The following SMIM14 variants were observed in gnomAD, a reference collection of about 807,000 sequenced individuals.
The protein encoded by SMIM14 is chromosome 4 open reading frame 34.
SMIM14 carries 5 observed loss-of-function variants against 12.6 expected under a neutral mutation model. The ratio of observed to expected loss-of-function variants is 0.40; its 90% CI spans 0.21 to 0.83. SMIM14 has a LOEUF of 0.83. Among genes scored for constraint, SMIM14 ranks in the 40% least tolerant of loss-of-function variants. SMIM14 has a pLI of 0.37. For missense variants in SMIM14, 86 were observed against 119.1 expected, an observed-to-expected ratio of 0.72 and a Z score of 1.29; for synonymous variants, 30 against 40.1, an observed-to-expected ratio of 0.75 and a Z score of 0.95.
chr4:39,576,730 G>A (rs1439489992), intron 2 of SMIM14, among the ~76,000 whole-genome samples: 28 of 79,128 alleles, frequency 3.5e-4, no homozygotes, highest in Non-Finnish European at 5.5e-4. Flanking sequence ...TTTTTGAGAC[G>A]GAGTCTTGCT....
intron 2 of SMIM14, among the ~76,000 whole-genome samples, chr4:39,590,022 C>CAAAAA (rs34159677): frequency 8.4e-5 from 6 of 71,348 alleles, no homozygotes; most frequent in Admixed American, 1.9e-4. Flanking sequence ...GACTCTGTTT[C>CAAAAA]AAAAAAAAAA....
intron 1 of SMIM14, among the ~76,000 whole-genome samples, chr4:39,619,844 A>C (rs12508408): frequency 1.3e-5 from 1 of 77,620 alleles, no homozygotes; most frequent in Non-Finnish European, 2.3e-5. Flanking sequence ...AAATGTATAT[A>C]TATATTTATA....
rs372827730 is a variant in SMIM14 at position 39,624,460 on chromosome 4, G to GTT, written c.-36+14277_-36+14278dup. On this transcript the variant is annotated intron_variant, in intron 1 of 4. Coordinates refer to ENST00000295958, the MANE Select transcript of SMIM14 (RefSeq NM_174921.3). ...CTGCCAGATATGACCAATCATGCTA[G>GTT]TTATGTTTCTTTCACCCTTACAAAG... 3.4e-3 allele frequency among the ~76,000 whole-genome samples: 517 copies of GTT among 152,280 alleles called. 2 individuals carry two copies. The highest frequency in any genetic ancestry group is 0.012 in the African/African-American group (484 of 41,560).
intron 2 of SMIM14, chr4:39,593,940 G>T (rs1034179041): frequency 4.6e-5 from 7 of 152,128 alleles, no homozygotes; most frequent in Non-Finnish European, 8.8e-5. Flanking sequence ...ATGCTCATGG[G>T]TAGGAAGAAT....
At chr4:39,619,840 ATATATATATTTATATATATT>A (rs1198358843) in intron 1 of SMIM14, among the ~76,000 whole-genome samples, 3 of 111,408 alleles carry the variant, frequency 2.7e-5, no homozygotes, top group African/African-American at 1.2e-4. Flanking sequence ...ATATAAATGT[ATATATATATTTATATATATT>A]TATATATATA....
intron 1 of SMIM14, among the ~76,000 whole-genome samples, chr4:39,635,760 C>T (rs140377781): frequency 0.018 from 2,699 of 152,194 alleles, 103 homozygotes; most frequent in African/African-American, 0.06. Context: ...TAGTTCATGG[C>T]ATGTACTTAT....
At chr4:39,595,208 G>A (rs1426310267) in intron 2 of SMIM14, among the ~76,000 whole-genome samples, 4 of 150,452 alleles carry the variant, frequency 2.7e-5, no homozygotes, top group Non-Finnish European at 5.9e-5. Context: ...TATACACCAT[G>A]GAATACTATG....
chr4:39,567,698 T>C (rs1712652138), intron 3 of SMIM14, among the ~76,000 whole-genome samples: 1 of 151,584 alleles, frequency 6.6e-6, no homozygotes, highest in South Asian at 2.1e-4. Context: ...GATCATGCCA[T>C]TGCACTCCAG....
chr4:39,587,865 T>C (rs573579745), intron 2 of SMIM14: 2 of 152,316 alleles, frequency 1.3e-5, no homozygotes, highest in Non-Finnish European at 2.9e-5. Context: ...CCCAAGAATA[T>C]AGGAAAGGTG....
intron 3 of SMIM14, among the ~76,000 whole-genome samples, chr4:39,560,376 G>T (rs1343900250): frequency 3.3e-5 from 5 of 150,206 alleles, no homozygotes; most frequent in Non-Finnish European, 5.9e-5. Context: ...ATTTCACCAT[G>T]TTGGCCAGGC....
In SMIM14 at chr4:39,560,469, C is replaced by G. The variant is rs1480265454; in HGVS notation, c.125-3899G>C. Among the ~76,000 whole-genome samples, 4 of 152,018 alleles carry G rather than the reference C, an allele frequency of 2.6e-5. No individual in the cohort carries two copies. In the East Asian group the frequency reaches 7.7e-4, roughly 29 times the overall value. The stretch of plus-strand genomic sequence containing the variant: ...GATTACAGGCATGAGCCACCGCAAT[C>G]AGCCAACATCAATAGTTCTTAAACT... On this transcript the variant is annotated intron_variant, in intron 3 of 4. Coordinates refer to ENST00000295958, the MANE Select transcript of SMIM14 (RefSeq NM_174921.3).
intron 1 of SMIM14, among the ~76,000 whole-genome samples, chr4:39,631,699 A>C (rs1485697618): frequency 6.6e-6 from 1 of 152,162 alleles, no homozygotes; most frequent in African/African-American, 2.4e-5. Flanking sequence ...ATAAAAGATG[A>C]TAGCAGCCAG....
At chr4:39,635,614 A>T (rs1368608411) in intron 1 of SMIM14, among the ~76,000 whole-genome samples, 1 of 152,206 alleles carries the variant, frequency 6.6e-6, no homozygotes, top group Non-Finnish European at 1.5e-5. Context: ...TCAAAGAAAA[A>T]GAAACTAGAT....
intron 2 of SMIM14, chr4:39,593,471 G>A (rs1289005175): frequency 1.3e-5 from 2 of 152,154 alleles, no homozygotes; most frequent in Non-Finnish European, 2.9e-5. Context: ...AAAACTGGAA[G>A]CATTCCCTTT....
intron 3 of SMIM14, among the ~76,000 whole-genome samples, chr4:39,567,579 A>G (rs1449764995): frequency 1.3e-5 from 2 of 152,080 alleles, no homozygotes; most frequent in African/African-American, 4.8e-5. Flanking sequence ...TCTACTAAAA[A>G]TACAAAAATT....
At chr4:39,636,720 T>C (rs956787928) in intron 1 of SMIM14, among the ~76,000 whole-genome samples, 1 of 151,860 alleles carries the variant, frequency 6.6e-6, no homozygotes. Context: ...CCCCCCCCAG[T>C]GGATGCCTAA....
chr4:39,635,957 G>A (rs1716069336), intron 1 of SMIM14, among the ~76,000 whole-genome samples: 1 of 151,992 alleles, frequency 6.6e-6, no homozygotes, highest in African/African-American at 2.4e-5. Flanking sequence ...CAGATCACTT[G>A]AGGTCAGGAG....
At chr4:39,624,566 G>A (rs1032864733) in intron 1 of SMIM14, among the ~76,000 whole-genome samples, 2 of 152,158 alleles carry the variant, frequency 1.3e-5, no homozygotes, top group African/African-American at 4.8e-5. Flanking sequence ...GCTCATGCCT[G>A]TCATTCCAGC....
chr4:39,627,188 T>A (rs941978079), intron 1 of SMIM14, among the ~76,000 whole-genome samples: 6 of 152,156 alleles, frequency 3.9e-5, no homozygotes, highest in Non-Finnish European at 8.8e-5. Context: ...TCCACCCTCA[T>A]GACTTAATCA....
Sources: gnomAD v4.1 joint callset for allele counts (sites outside exome capture counted in the v4.1 genomes callset) on GRCh38, gnomAD v4.1.1 for gene constraint, MANE v1.5 for transcripts, NCBI Gene and HGNC (gene_info 2026-07-23, HGNC 2026-07-21) for gene names.